The following CMSS1 variants were observed in gnomAD, a reference collection of about 807,000 sequenced individuals.
CMSS1 encodes protein CMSS1.
A neutral mutation model predicts 43.5 loss-of-function variants in CMSS1; 33 were observed. That is an observed-to-expected ratio of 0.76 (90% CI 0.57 to 1.01). The LOEUF (loss-of-function observed/expected upper bound fraction) is 1.01, where lower values mean the gene tolerates loss of function less well. CMSS1 is among the 50% of genes least tolerant of loss of function. CMSS1 has a pLI of 0.00. For missense variants in CMSS1, 313 were observed against 326.4 expected (o/e 0.96, Z 0.32); for synonymous variants, 115 against 117.2 (o/e 0.98, Z 0.12).
At chr3:100,095,470 C>A (rs2066188807) in intron 1 of CMSS1, among the ~76,000 whole-genome samples, 1 of 151,970 alleles carries the variant, frequency 6.6e-6, no homozygotes. Context: ...AAACAATATA[C>A]TACAGTGAAC....
At chr3:99,924,564 G>A (rs1045931104) in intron 1 of CMSS1, among the ~76,000 whole-genome samples, 1 of 152,160 alleles carries the variant, frequency 6.6e-6, no homozygotes, top group Non-Finnish European at 1.5e-5. Context: ...CGTTGCCCAG[G>A]CTGGAGTGCA....
At chr3:100,000,092 A>G (rs1408579658) in intron 1 of CMSS1, among the ~76,000 whole-genome samples, 1 of 152,182 alleles carries the variant, frequency 6.6e-6, no homozygotes, top group Non-Finnish European at 1.5e-5. Context: ...TGATTCTAAT[A>G]TATAATCAGG....
rs111443929 is a variant in CMSS1, at chr3:99,875,302, G to T, written c.64+57259G>T. Among the ~76,000 whole-genome samples, 281 of 152,206 alleles carry T rather than the reference G, an allele frequency of 1.8e-3. 1 individual carries two copies. Among genetic ancestry groups the T allele is most frequent in the African/African-American group, 6.5e-3 (270 of 41,544 alleles). On this transcript the variant is annotated intron_variant, in intron 1 of 9. Transcript: ENST00000421999. ...CAGGATTTAGATGTAACTAATTATG[G>T]TTTAAAATGTTACTGATTAATACAG...
chr3:99,979,338 C>G (rs1576616077), intron 1 of CMSS1, among the ~76,000 whole-genome samples: 1 of 152,118 alleles, frequency 6.6e-6, no homozygotes, highest in African/African-American at 2.4e-5. Flanking sequence ...AGATAAAAAG[C>G]TTGTCTGTAT....
intron 1 of CMSS1, among the ~76,000 whole-genome samples, chr3:100,107,877 T>TAA (rs11322494): frequency 1.5e-4 from 19 of 130,054 alleles, no homozygotes; most frequent in South Asian, 2.4e-4. Context: ...GCAAGAGAAT[T>TAA]AAAAAAAAAA....
chr3:99,964,609 G>A (rs1029153767), intron 1 of CMSS1, among the ~76,000 whole-genome samples: 5 of 152,014 alleles, frequency 3.3e-5, no homozygotes, highest in African/African-American at 1.2e-4. Flanking sequence ...GATCTTCTCT[G>A]TGTGTCTAGG....
At position 100,180,360 on chromosome 3, in the gene CMSS1, A is replaced by G. The variant is rs1216803232; in HGVS notation, c.*1972A>G. 1 of 152,236 alleles carries G rather than the reference A, an allele frequency of 6.6e-6. No individual in the cohort carries two copies. The highest frequency in any genetic ancestry group is 1.5e-5 in the Non-Finnish European group (1 of 68,036). 9.4% of individuals were successfully genotyped at this position (152,236 alleles called of 1,614,324 possible). A position where few individuals can be genotyped will look rare whatever the true frequency, so the allele number is the denominator to read the frequency against. On this transcript the variant is annotated 3_prime_UTR_variant, in exon 10 of 10. Transcript: ENST00000421999. ...TCAGGCTGCAAATTTTCAAGCTTTT[A>G]TACTCTGCTTTGCTTTTAAATATAA... is the stretch of plus-strand genomic sequence containing the variant.
At chr3:100,097,957 G>A (rs1480220584) in intron 1 of CMSS1, among the ~76,000 whole-genome samples, 1 of 152,136 alleles carries the variant, frequency 6.6e-6, no homozygotes, top group Non-Finnish European at 1.5e-5. Flanking sequence ...TTCATCAACG[G>A]TAGCATATCT....
At chr3:99,849,351 C>T in intron 1 of CMSS1, 1 of 1,614,102 alleles carries the variant, frequency 6.2e-7, no homozygotes, top group Non-Finnish European at 8.5e-7. Context: ...TACTGAAATG[C>T]CGGTACCTCT....
chr3:99,851,562 G>A (rs1423718284), intron 1 of CMSS1, among the ~76,000 whole-genome samples: 2 of 152,128 alleles, frequency 1.3e-5, no homozygotes, highest in African/African-American at 2.4e-5. Context: ...AATTAAATGC[G>A]GTAATTCATC....
At chr3:100,137,557 C>G (rs1339998363) in intron 1 of CMSS1, among the ~76,000 whole-genome samples, 1 of 151,286 alleles carries the variant, frequency 6.6e-6, no homozygotes, top group Non-Finnish European at 1.5e-5. Flanking sequence ...AATTCATAAG[C>G]ATGTAACTTT....
intron 1 of CMSS1, among the ~76,000 whole-genome samples, chr3:99,951,316 T>C (rs971127707): frequency 1.3e-5 from 2 of 152,176 alleles, no homozygotes; most frequent in African/African-American, 4.8e-5. Flanking sequence ...CTTACATCTA[T>C]ATTATTATCT....
intron 1 of CMSS1, chr3:100,114,207 C>T (rs957463597): frequency 6.6e-6 from 1 of 152,114 alleles, no homozygotes; most frequent in Non-Finnish European, 1.5e-5. Flanking sequence ...TGAAAGCCAC[C>T]GAGAGTTTGC....
chr3:100,051,419 A>G (rs933467357), intron 1 of CMSS1: 2 of 151,804 alleles, frequency 1.3e-5, no homozygotes, highest in African/African-American at 2.4e-5. Context: ...GGTTAGTTAC[A>G]TATGTATACA....
chr3:99,968,502 T>C (rs1576608222), intron 1 of CMSS1, among the ~76,000 whole-genome samples: 1 of 151,022 alleles, frequency 6.6e-6, no homozygotes, highest in East Asian at 1.9e-4. Flanking sequence ...TAAATAAACA[T>C]GGAAGGTGAT....
chr3:99,939,968 G>A (rs550745738), intron 1 of CMSS1, among the ~76,000 whole-genome samples: 3 of 152,086 alleles, frequency 2.0e-5, no homozygotes, highest in South Asian at 4.1e-4. Flanking sequence ...TGTTTTCTAC[G>A]TGCTGCAGTC....
At chr3:99,946,178 G>A (rs1375623392) in intron 1 of CMSS1, among the ~76,000 whole-genome samples, 2 of 152,190 alleles carry the variant, frequency 1.3e-5, no homozygotes, top group African/African-American at 2.4e-5. Context: ...TATAGCAAAA[G>A]CATTTTAAAA....
chr3:99,864,745 A>C (rs1025948113), intron 1 of CMSS1, among the ~76,000 whole-genome samples: 22 of 151,620 alleles, frequency 1.5e-4, no homozygotes, highest in African/African-American at 4.6e-4. Flanking sequence ...TATTCCTCAA[A>C]CAGAACACGG....
chr3:100,171,410 G>A (rs1014507185), intron 6 of CMSS1, among the ~76,000 whole-genome samples: 1 of 151,902 alleles, frequency 6.6e-6, no homozygotes, highest in Admixed American at 6.6e-5. Context: ...GACCTTTGTA[G>A]ATGCCCTTGG....
Sources: allele counts gnomAD v4.1 joint callset (sites outside exome capture counted in the v4.1 genomes callset), GRCh38; gene constraint gnomAD v4.1.1; transcripts MANE v1.5; gene names NCBI Gene and HGNC (gene_info 2026-07-23, HGNC 2026-07-21).